Variants in EEF1A2 observed in about 807,000 individuals in gnomAD.
EEF1A2 encodes the protein eukaryotic translation elongation factor 1 alpha 2, also known as elongation factor 1-alpha 2.
A neutral mutation model predicts 39.3 loss-of-function variants in EEF1A2; 5 were observed. The ratio of observed to expected loss-of-function variants is 0.13; its 90% CI spans 0.07 to 0.27. EEF1A2 has a LOEUF of 0.27. Among genes scored for constraint, EEF1A2 ranks in the 10% least tolerant of loss-of-function variants. EEF1A2 has a pLI of 1.00. For missense variants in EEF1A2, 218 were observed against 681.4 expected (o/e 0.32, Z 7.57); for synonymous variants, 287 against 293.7 (o/e 0.98, Z 0.23).
At position 63,494,904 on chromosome 20, in the gene EEF1A2, G is replaced by A. The variant is rs368285873; in HGVS notation, c.522C>T (p.Val174=). ...AGCCGATCTTCTTGATGTAGGCGCT[G>A]ACTTCCTTGACGATCTCGTCGTAGC... ...EKRYDEIVKE[V]SAYIKKIGYN... is the part of the protein sequence containing the mutation. The change falls in exon 4 of 8, where the codon GTC becomes GTT. Residue 174 remains valine, a synonymous_variant. Transcript: ENST00000217182. 4 of 1,612,668 alleles carry A rather than the reference G, an allele frequency of 2.5e-6. No individual in the cohort carries two copies. The highest frequency in any genetic ancestry group is 3.4e-6 in the Non-Finnish European group (4 of 1,179,982).
At chr20:63,493,619 C>T (rs984247678) in intron 4 of EEF1A2, among the ~76,000 whole-genome samples, 5 of 152,216 alleles carry the variant, frequency 3.3e-5, no homozygotes, top group African/African-American at 1.2e-4. Context: ...CAGCTCCAGG[C>T]AGGGCAGATG....
At chr20:63,492,025 AGATG>A (rs2082384901) in intron 5 of EEF1A2, among the ~76,000 whole-genome samples, 2 of 70,520 alleles carry the variant, frequency 2.8e-5, no homozygotes, top group Non-Finnish European at 5.2e-5. Context: ...CGGATGGATG[AGATG>A]GATGGATGGA....
intron 6 of EEF1A2, among the ~76,000 whole-genome samples, chr20:63,489,707 C>T (rs1037529802): frequency 7.2e-5 from 11 of 152,004 alleles, no homozygotes; most frequent in Non-Finnish European, 1.6e-4. Flanking sequence ...CACTTGAACC[C>T]GGGAGGCGGA....
Position 63,498,267 on chromosome 20 carries a change from C to G in EEF1A2, c.-71-433G>C, listed in dbSNP as rs768320177. On this transcript the variant is annotated intron_variant, in intron 1 of 7. Transcript: ENST00000217182. This position sits in a 1 kb window ranked among gnomAD's most constrained non-coding sequence, Gnocchi z 4.1. ...AGGGACACGGCGCCCCACCCCCACCCGCTGCCACCGGGGAGAGATGGCCAC... is the reference window on the plus strand; with the variant it reads ...AGGGACACGGCGCCCCACCCCCACCGGCTGCCACCGGGGAGAGATGGCCAC... 17 of 152,762 alleles carry G rather than the reference C, an allele frequency of 1.1e-4. No individual in the cohort carries two copies. Among genetic ancestry groups the G allele is most frequent in the Non-Finnish European group, 1.9e-4 (13 of 68,530 alleles). The allele number at this position is 152,762 out of a possible 1,614,324, so 9.5% of individuals were successfully genotyped here.
rs115107511 is a variant in EEF1A2, at chr20:63,488,919, G to A, written c.1263C>T (p.Leu421=). Residue 421 remains leucine (L), a splice_region_variant and synonymous_variant, in exon 7 of 8, where the codon CTC becomes CTT. Coordinates refer to ENST00000217182, the MANE Select transcript of EEF1A2 (RefSeq NM_001958.5). ...CCTCCCCGGACCACCCCGGCTCACCGAGAGGCGGGTACTGGGAGAAGCTCT... is the reference window on the plus strand; with the variant it reads ...CCTCCCCGGACCACCCCGGCTCACCAAGAGGCGGGTACTGGGAGAAGCTCT... The part of the protein sequence containing the change: ...CVESFSQYPP[L]GRFAVRDMRQ... The A allele has an allele frequency of 1.1e-3, 1,717 of 1,605,458 alleles. 6 individuals are homozygous for A. In the African/African-American group the frequency reaches 0.013, roughly 12 times the overall value.
chr20:63,492,995 G>A (rs1175854598), intron 5 of EEF1A2, 142 bp downstream of exon 5: 3 of 1,145,580 alleles, frequency 2.6e-6, no homozygotes, highest in Non-Finnish European at 3.5e-6. Flanking sequence ...ATGGATGGAT[G>A]TGGGATGGAC....
chr20:63,497,802 C>T lies in EEF1A2; in HGVS notation c.-39G>A. 1 of 1,598,696 alleles carries T rather than the reference C, an allele frequency of 6.3e-7. No homozygotes were observed. Among genetic ancestry groups the T allele is most frequent in the African/African-American group, 1.3e-5 (1 of 74,774 alleles). ...TGAGGGGCTGGCGGGACCCGGGGTG[C>T]TCTGGCTCAGGGCGAGGGGGGCTGC... On this transcript the variant is annotated 5_prime_UTR_variant, in exon 2 of 8. Coordinates refer to ENST00000217182, the MANE Select transcript of EEF1A2 (RefSeq NM_001958.5). The surrounding 1 kb of genome is among the most constrained non-coding windows in gnomAD (Gnocchi z 7.3).
intron 5 of EEF1A2, among the ~76,000 whole-genome samples, chr20:63,491,971 T>G: frequency 9.4e-6 from 1 of 106,568 alleles, no homozygotes; most frequent in East Asian, 2.5e-4. Context: ...GATGGATGGA[T>G]GGATGGATGG....
At chr20:63,494,661 T>C in intron 4 of EEF1A2, 144 bp downstream of exon 4, 1 of 1,205,160 alleles carries the variant, frequency 8.3e-7, no homozygotes, top group Non-Finnish European at 1.1e-6. Flanking sequence ...CTGAGCCAGT[T>C]AGGGAAACCC....
chr20:63,493,420 T>G (rs1340194207), intron 4 of EEF1A2, 133 bp from the exon 5 acceptor site: 3 of 1,062,068 alleles, frequency 2.8e-6, no homozygotes, highest in Non-Finnish European at 3.9e-6. Flanking sequence ...ATGAGGAATT[T>G]CCCCACCCTG....
chr20:63,493,901 A>G (rs923709981), intron 4 of EEF1A2, among the ~76,000 whole-genome samples: 1 of 152,262 alleles, frequency 6.6e-6, no homozygotes, highest in African/African-American at 2.4e-5. Context: ...AGCTCAGGCC[A>G]GAGGGGAGTG....
intron 5 of EEF1A2, among the ~76,000 whole-genome samples, chr20:63,492,289 G>C (rs1382674805): frequency 6.6e-6 from 1 of 152,212 alleles, no homozygotes; most frequent in South Asian, 2.1e-4. Flanking sequence ...AGGATGGATG[G>C]GTGGGTAGGT....
In EEF1A2 at chr20:63,497,496, C is replaced by A; in HGVS notation, c.144+124G>T. 4 of 1,442,654 alleles carry A rather than the reference C, an allele frequency of 2.8e-6. No individual in the cohort carries two copies. The highest frequency in any genetic ancestry group is 2.8e-6 in the Non-Finnish European group (3 of 1,079,484). 89.4% of individuals were successfully genotyped at this position (1,442,654 alleles called of 1,614,324 possible). ...GGCCTGAGTGCCCCACAGCGGGGGT[C>A]CCTCCTGCCCTGGAGGAGGTCACCT... On this transcript the variant is annotated intron_variant, in intron 2 of 7. Transcript: ENST00000217182. The surrounding 1 kb of genome is among the most constrained non-coding windows in gnomAD (Gnocchi z 7.3).
At chr20:63,494,145 C>A (rs147831403) in intron 4 of EEF1A2, among the ~76,000 whole-genome samples, 3 of 152,218 alleles carry the variant, frequency 2.0e-5, no homozygotes, top group African/African-American at 7.2e-5. Flanking sequence ...CTGTGGGCAG[C>A]GACAGTGCTG....
intron 7 of EEF1A2, among the ~76,000 whole-genome samples, chr20:63,488,680 G>A (rs1318142970): frequency 6.6e-6 from 1 of 152,130 alleles, no homozygotes; most frequent in African/African-American, 2.4e-5. Flanking sequence ...CCTCACTCGC[G>A]GGGCCTCCCT....
intron 6 of EEF1A2, among the ~76,000 whole-genome samples, chr20:63,489,356 G>A (rs1485540154): frequency 6.6e-6 from 1 of 152,034 alleles, no homozygotes; most frequent in African/African-American, 2.4e-5. Flanking sequence ...ATAAACAACT[G>A]AGATTCATTG....
chr20:63,492,104 A>AGATG (rs1294998878), intron 5 of EEF1A2, among the ~76,000 whole-genome samples: 12 of 51,370 alleles, frequency 2.3e-4, no homozygotes, highest in Admixed American at 4.1e-4. Context: ...GTGGATGGGG[A>AGATG]GATGGATGGA....
intron 3 of EEF1A2, among the ~76,000 whole-genome samples, 197 bp from the exon 4 acceptor site, chr20:63,495,298 G>A (rs2145945122): frequency 6.6e-6 from 1 of 152,374 alleles, no homozygotes; most frequent in Non-Finnish European, 1.5e-5. Flanking sequence ...CCTGGGTCAG[G>A]GGACCGAGGT....
At chr20:63,488,841 A>C in intron 7 of EEF1A2, 77 bp downstream of exon 7, 1 of 1,494,172 alleles carries the variant, frequency 6.7e-7, no homozygotes, top group South Asian at 1.2e-5. Context: ...CCAGCGCCCC[A>C]TCCCCGCAGT....
Sources: gnomAD v4.1 joint callset for allele counts (sites outside exome capture counted in the v4.1 genomes callset) on GRCh38, gnomAD v4.1.1 for gene constraint, Gnocchi (gnomAD v3.1) non-coding constraint, MANE v1.5 for transcripts, NCBI Gene and HGNC (gene_info 2026-07-23, HGNC 2026-07-21) for gene names.